TBCB: variants seen among roughly 807,000 people sequenced by gnomAD.
The protein encoded by TBCB is tubulin folding cofactor B, also known as tubulin-folding cofactor B.
Under a neutral mutation model 29.2 loss-of-function variants are expected in TBCB, and 18 were observed. The ratio of observed to expected loss-of-function variants is 0.62; its 90% CI spans 0.43 to 0.91. The LOEUF is 0.91. TBCB is among the 40% of genes least tolerant of loss of function. The pLI, the probability that TBCB is intolerant of heterozygous loss-of-function variation, is 0.00. For missense variants in TBCB, 336 were observed against 337.6 expected (o/e 1.00, Z 0.04); for synonymous variants, 172 against 137.8 (o/e 1.25, Z -1.74).
At chr19:36,124,124 C>T (rs536317660) in intron 4 of TBCB, among the ~76,000 whole-genome samples, 1 of 152,312 alleles carries the variant, frequency 6.6e-6, no homozygotes, top group East Asian at 1.9e-4. Context: ...AGTGGAACAT[C>T]ATCATGGTTT....
At chr19:36,122,247 G>A in intron 4 of TBCB, 2 of 195,662 alleles carry the variant, frequency 1.0e-5, no homozygotes, top group Non-Finnish European at 2.2e-5. Context: ...CAGGGGCATG[G>A]GCAGGGCGGC....
intron 5 of TBCB, 44 bp downstream of exon 5, chr19:36,125,567 G>T: frequency 6.2e-7 from 1 of 1,612,842 alleles, no homozygotes; most frequent in Non-Finnish European, 8.5e-7. Flanking sequence ...GCATTTGTGT[G>T]TAAGTCCATG....
intron 2 of TBCB, chr19:36,116,420 A>C: frequency 2.2e-6 from 1 of 449,518 alleles, no homozygotes; most frequent in Non-Finnish European, 3.9e-6. Flanking sequence ...GCCTGACTCC[A>C]CCTGGGAGAA....
intron 4 of TBCB, 61 bp downstream of exon 4, chr19:36,121,779 G>A (rs1313885138): frequency 6.5e-7 from 1 of 1,543,232 alleles, no homozygotes; most frequent in Admixed American, 2.0e-5. Flanking sequence ...GGAAATGTTG[G>A]GGGCACAGTG....
chr19:36,121,983 G>T, intron 4 of TBCB: 1 of 555,262 alleles, frequency 1.8e-6, no homozygotes, highest in Non-Finnish European at 3.2e-6. Context: ...CGGCCTGTGC[G>T]CTTCGAAGCG....
chr19:36,125,623 A>C, intron 5 of TBCB, 45 bp from the exon 6 acceptor site: 1 of 1,606,500 alleles, frequency 6.2e-7, no homozygotes, highest in Non-Finnish European at 8.5e-7. Flanking sequence ...GAGTGGAGCC[A>C]TGTGAGGGTC....
intron 1 of TBCB, 174 bp from the exon 2 acceptor site, chr19:36,115,867 C>T: frequency 8.8e-7 from 1 of 1,136,766 alleles, no homozygotes; most frequent in East Asian, 2.5e-5. Flanking sequence ...GGGCCGGGTC[C>T]AGCGAAAAAT....
chr19:36,115,902 A>G (rs1973943217), intron 1 of TBCB, 139 bp from the exon 2 acceptor site: 6 of 1,315,880 alleles, frequency 4.6e-6, no homozygotes, highest in Non-Finnish European at 6.3e-6. Context: ...GGCGGGGGCA[A>G]GAGGCGAGGG....
chr19:36,119,957 C>T (rs1352579554), intron 2 of TBCB, among the ~76,000 whole-genome samples: 1 of 151,850 alleles, frequency 6.6e-6, no homozygotes, highest in Non-Finnish European at 1.5e-5. Flanking sequence ...CCCTCTGGCT[C>T]GCTCCACCCC....
At chr19:36,124,943 T>C (rs982827831) in intron 4 of TBCB, among the ~76,000 whole-genome samples, 6 of 152,202 alleles carry the variant, frequency 3.9e-5, no homozygotes, top group Non-Finnish European at 8.8e-5. Context: ...ATGGGATTTT[T>C]TTTTTGCAAA....
intron 4 of TBCB, 53 bp from the exon 5 acceptor site, chr19:36,125,397 TG>T (rs1392756906): frequency 3.8e-6 from 6 of 1,591,204 alleles, no homozygotes; most frequent in Non-Finnish European, 5.2e-6. Flanking sequence ...TGAAATTTCA[TG>T]GGGATTTCTT....
intron 1 of TBCB, 49 bp from the exon 2 acceptor site, chr19:36,115,992 G>A (rs1236073905): frequency 6.3e-7 from 1 of 1,596,270 alleles, no homozygotes; most frequent in Non-Finnish European, 8.6e-7. Context: ...TGATGCAAGG[G>A]GCGGGGCCTC....
intron 2 of TBCB, chr19:36,116,477 G>A (rs1424159072): frequency 1.5e-5 from 5 of 341,042 alleles, no homozygotes; most frequent in South Asian, 1.4e-4. Flanking sequence ...TGAGGGATGA[G>A]GAAAGGGTGA....
In TBCB at chr19:36,120,819, G is replaced by A. The variant is rs1974034708; in HGVS notation, c.355+13G>A. 1 of 1,613,378 alleles carries A rather than the reference G, an allele frequency of 6.2e-7. No individual in the cohort carries two copies. ...GACCAGAGGCAAGGTACGGGCAGGT[G>A]GGCGTCGAGGGGTGCGTGGGGGCCA... On this transcript the variant is annotated intron_variant, in intron 3 of 5. Coordinates refer to ENST00000221855, the MANE Select transcript of TBCB (RefSeq NM_001281.3).
intron 3 of TBCB, 152 bp from the exon 4 acceptor site, chr19:36,121,375 A>T: frequency 2.2e-6 from 2 of 929,736 alleles, no homozygotes; most frequent in Non-Finnish European, 3.1e-6. Flanking sequence ...GGGAGAGGCT[A>T]AGGCTGTGGT....
chr19:36,115,644 C>T lies in TBCB; in HGVS notation c.84C>T (p.Tyr28=). The T allele has an allele frequency of 6.2e-7, 1 of 1,606,660 alleles. No homozygotes were observed. Among genetic ancestry groups the T allele is most frequent in the African/African-American group, 1.3e-5 (1 of 74,540 alleles). Residue 28 remains tyrosine, a synonymous_variant, in exon 1 of 6, where the codon TAC becomes TAT. Transcript: ENST00000221855. ...ACACCTTCCGCTCCGAGAAGCGATACAGCCGCAGCCTCACCATCGCTGAGT... is the reference window on the plus strand; with the variant it reads ...ACACCTTCCGCTCCGAGAAGCGATATAGCCGCAGCCTCACCATCGCTGAGT... ...SLNTFRSEKR[Y]SRSLTIAEFK...
intron 2 of TBCB, chr19:36,118,592 ATC>A (rs1973994936): frequency 6.6e-6 from 1 of 150,948 alleles, no homozygotes; most frequent in Non-Finnish European, 1.5e-5. Context: ...AGGCAGGAGG[ATC>A]ACTTGAACCC....
chr19:36,116,007 G>T (rs1568381251), intron 1 of TBCB, 34 bp from the exon 2 acceptor site: 1 of 1,602,486 alleles, frequency 6.2e-7, no homozygotes, highest in Non-Finnish European at 8.5e-7. Flanking sequence ...GGCCTCCGTG[G>T]CCTCCTTCTT....
At chr19:36,118,922 A>G (rs1434339749) in intron 2 of TBCB, among the ~76,000 whole-genome samples, 2 of 152,108 alleles carry the variant, frequency 1.3e-5, no homozygotes, top group Non-Finnish European at 1.5e-5. Context: ...GAGACCAGGA[A>G]GGGGCTGCTG....
Sources: gnomAD v4.1 joint callset for allele counts (sites outside exome capture counted in the v4.1 genomes callset) on GRCh38, gnomAD v4.1.1 for gene constraint, MANE v1.5 for transcripts, NCBI Gene and HGNC (gene_info 2026-07-23, HGNC 2026-07-21) for gene names.